The following PIP5K1B variants were observed in gnomAD, a reference collection of about 807,000 sequenced individuals.
PIP5K1B encodes the protein phosphatidylinositol 4-phosphate 5-kinase type-1 beta.
A neutral mutation model predicts 67.0 loss-of-function variants in PIP5K1B; 42 were observed. The observed-to-expected ratio is 0.63, with a 90% confidence interval of 0.49 to 0.81. The LOEUF (loss-of-function observed/expected upper bound fraction) is 0.81, where lower values mean the gene tolerates loss of function less well. Among genes scored for constraint, PIP5K1B ranks in the 30% least tolerant of loss-of-function variants. The pLI is 0.00. For synonymous variants in PIP5K1B, 214 were observed against 231.4 expected (o/e 0.92, Z 0.68); for missense variants, 459 against 646.3 (o/e 0.71, Z 3.14).
chr9:68,950,875 G>A (rs1264312152), intron 14 of PIP5K1B, among the ~76,000 whole-genome samples: 2 of 152,122 alleles, frequency 1.3e-5, no homozygotes, highest in Admixed American at 1.3e-4. Flanking sequence ...TTGTTGATTT[G>A]GGAGGGAAGG....
chr9:68,958,748 A>G (rs1358152107), intron 14 of PIP5K1B, among the ~76,000 whole-genome samples: 1 of 152,260 alleles, frequency 6.6e-6, no homozygotes, highest in Non-Finnish European at 1.5e-5. Context: ...AGTTATCATA[A>G]TGCAAACGTC....
At chr9:68,842,008 C>T (rs958781303) in intron 4 of PIP5K1B, among the ~76,000 whole-genome samples, 2 of 152,168 alleles carry the variant, frequency 1.3e-5, no homozygotes, top group Admixed American at 6.5e-5. Flanking sequence ...TGGGCCCTGG[C>T]CCTCAGCGTT....
At chr9:68,869,921 CTGCCAGCTTAGTCTTCTT>C (rs1309919793) in intron 5 of PIP5K1B, among the ~76,000 whole-genome samples, 1 of 152,186 alleles carries the variant, frequency 6.6e-6, no homozygotes, top group East Asian at 1.9e-4. Context: ...GAAGACAAAG[CTGCCAGCTTAGTCTTCTT>C]GGGAGAAAAT....
chr9:68,943,820 T>C (rs1020568790), intron 14 of PIP5K1B, among the ~76,000 whole-genome samples: 1 of 152,242 alleles, frequency 6.6e-6, no homozygotes, highest in Non-Finnish European at 1.5e-5. Flanking sequence ...AAGCTGCAAA[T>C]ACTTCAACTA....
At chr9:68,822,750 A>G in intron 4 of PIP5K1B, 67 bp downstream of exon 4, 1 of 1,069,860 alleles carries the variant, frequency 9.3e-7, no homozygotes, top group Middle Eastern at 2.0e-4. Flanking sequence ...ATATTATCAA[A>G]GGCCTTTCCT....
chr9:68,982,863 G>A (rs1194234711), intron 14 of PIP5K1B, among the ~76,000 whole-genome samples: 1 of 151,992 alleles, frequency 6.6e-6, no homozygotes, highest in Non-Finnish European at 1.5e-5. Context: ...ACTTATTCTT[G>A]CGTTATCTCC....
intron 2 of PIP5K1B, among the ~76,000 whole-genome samples, chr9:68,779,357 A>G (rs1587431156): frequency 6.6e-6 from 1 of 152,100 alleles, no homozygotes; most frequent in African/African-American, 2.4e-5. Flanking sequence ...CCTAACCTAA[A>G]TAGTTCTCAG....
chr9:68,949,057 G>A (rs1031794172), intron 14 of PIP5K1B, among the ~76,000 whole-genome samples: 33 of 151,934 alleles, frequency 2.2e-4, no homozygotes, highest in African/African-American at 7.7e-4. Flanking sequence ...GCCAAAAAAA[G>A]TGGGAAAACT....
chr9:68,717,000 G>A lies in PIP5K1B; in HGVS notation c.-243+11238G>A, dbSNP rs536642810. 1.7e-3 allele frequency among the ~76,000 whole-genome samples: 254 copies of A among 152,226 alleles called. 1 individual carries two copies. Among genetic ancestry groups the A allele is most frequent in the Non-Finnish European group, 2.2e-3 (147 of 68,018 alleles). ...ATTAACACAGAAGCAACCAAATACC[G>A]CGTGTTCTCACTTATAAGTGTGAGC... On this transcript the variant is annotated intron_variant, in intron 1 of 15. Transcript: ENST00000265382.
chr9:68,804,573 T>G (rs1205909671), intron 2 of PIP5K1B, among the ~76,000 whole-genome samples: 1 of 149,972 alleles, frequency 6.7e-6, no homozygotes, highest in African/African-American at 2.5e-5. Flanking sequence ...ATATATTTTA[T>G]TCTTCTAGTT....
Position 68,917,700 on chromosome 9 carries a change from G to A in PIP5K1B, c.924G>A (p.Met308Ile). 12 of 1,614,174 alleles carry A rather than the reference G, an allele frequency of 7.4e-6. No homozygotes were observed. Among genetic ancestry groups the A allele is most frequent in the Non-Finnish European group, 8.5e-6 (10 of 1,180,002 alleles). ...AGAAGGTTCTCTACTCAACAGCCATGGAATCTATCCAGGGTCCAGGGAAAT... is the reference window on the plus strand; with the variant it reads ...AGAAGGTTCTCTACTCAACAGCCATAGAATCTATCCAGGGTCCAGGGAAAT... ...GMQKVLYSTA[M>I]ESIQGPGKSG... The change falls in exon 9 of 16, where the codon ATG becomes ATA. Residue 308 changes from methionine (M) to isoleucine (I), a missense_variant. Around this residue, in one of 2 missense-constraint regions of PIP5K1B, gnomAD observed 290 missense variants for 474.4 expected, o/e 0.61. Coordinates refer to ENST00000265382, the MANE Select transcript of PIP5K1B (RefSeq NM_003558.4).
intron 3 of PIP5K1B, among the ~76,000 whole-genome samples, chr9:68,820,318 T>C (rs1302944600): frequency 9.9e-5 from 15 of 152,208 alleles, no homozygotes; most frequent in Admixed American, 9.2e-4. Context: ...ATTCTTTAAG[T>C]CAATTTAAGC....
chr9:68,874,108 C>T (rs1000724675), intron 5 of PIP5K1B, among the ~76,000 whole-genome samples: 11 of 152,160 alleles, frequency 7.2e-5, no homozygotes, highest in South Asian at 2.1e-4. Context: ...ATGTTAATTA[C>T]GCCATGAAGC....
intron 8 of PIP5K1B, among the ~76,000 whole-genome samples, chr9:68,912,982 C>T (rs1825924211): frequency 6.6e-6 from 1 of 152,206 alleles, no homozygotes; most frequent in African/African-American, 2.4e-5. Flanking sequence ...AATATGCTCT[C>T]ATTTCAAGAA....
At chr9:68,863,795 T>C in intron 4 of PIP5K1B, 42 bp from the exon 5 acceptor site, 3 of 1,595,570 alleles carry the variant, frequency 1.9e-6, no homozygotes, top group Non-Finnish European at 2.6e-6. Flanking sequence ...AACAAGGCCC[T>C]GACTGTTAAG....
intron 1 of PIP5K1B, among the ~76,000 whole-genome samples, chr9:68,723,694 G>GTTTTTTTTTT (rs1224332057): frequency 3.5e-4 from 13 of 36,712 alleles, no homozygotes; most frequent in Admixed American, 2.8e-3. Context: ...TGAAGTATTT[G>GTTTTTTTTTT]GTTTTTTTTT....
chr9:68,893,210 TGGG>T (rs913323039), intron 7 of PIP5K1B, among the ~76,000 whole-genome samples: 30 of 152,170 alleles, frequency 2.0e-4, no homozygotes, highest in African/African-American at 6.3e-4. Flanking sequence ...TGTTGAGAAT[TGGG>T]GGAAGAATCA....
chr9:68,988,667 T>C (rs1394410964), intron 14 of PIP5K1B, among the ~76,000 whole-genome samples: 1 of 152,148 alleles, frequency 6.6e-6, no homozygotes, highest in African/African-American at 2.4e-5. Context: ...GCCAGGCTGC[T>C]GTCGAACTTC....
chr9:68,828,768 C>A (rs1834123758), intron 4 of PIP5K1B, among the ~76,000 whole-genome samples: 1 of 152,134 alleles, frequency 6.6e-6, no homozygotes, highest in African/African-American at 2.4e-5. Flanking sequence ...TGGTGGGAAA[C>A]TTCTCTGTGT....
Sources: gnomAD v4.1 joint callset for allele counts (sites outside exome capture counted in the v4.1 genomes callset) on GRCh38, gnomAD v4.1.1 for gene constraint, gnomAD v4.1.1 regional missense constraint, MANE v1.5 for transcripts, NCBI Gene and HGNC (gene_info 2026-07-23, HGNC 2026-07-21) for gene names.